CACNA1A: variants seen among roughly 807,000 people sequenced by gnomAD.
CACNA1A encodes the protein voltage-dependent P/Q-type calcium channel subunit alpha-1A.
CACNA1A carries 57 observed loss-of-function variants against 262.4 expected under a neutral mutation model. That is an observed-to-expected ratio of 0.22 (90% CI 0.18 to 0.27). CACNA1A has a LOEUF of 0.27. Ranked by LOEUF, CACNA1A falls within the 10% of genes least tolerant of loss-of-function variation. The pLI is 1.00. For synonymous variants in CACNA1A, 1,431 were observed against 1,419.3 expected (o/e 1.01, Z -0.18); for missense variants, 2,526 against 3,562.8 (o/e 0.71, Z 7.41).
chr19:13,376,836 A>G (rs868008453), intron 3 of CACNA1A, among the ~76,000 whole-genome samples: 2 of 144,572 alleles, frequency 1.4e-5, no homozygotes, highest in African/African-American at 2.5e-5. Flanking sequence ...AACACATGTT[A>G]TATGTGATAT....
intron 3 of CACNA1A, among the ~76,000 whole-genome samples, chr19:13,403,044 A>G (rs1256811826): frequency 1.3e-5 from 2 of 151,392 alleles, no homozygotes; most frequent in Non-Finnish European, 2.9e-5. Flanking sequence ...TCAATGCTGT[A>G]TCTTGCACCC....
intron 1 of CACNA1A, among the ~76,000 whole-genome samples, chr19:13,481,960 T>C (rs774148710): frequency 2.6e-5 from 4 of 152,036 alleles, no homozygotes; most frequent in African/African-American, 9.7e-5. Flanking sequence ...ACTATCTCAG[T>C]TCTACCTCAT....
intron 3 of CACNA1A, among the ~76,000 whole-genome samples, chr19:13,396,343 A>T (rs1223225442): frequency 1.3e-5 from 2 of 152,192 alleles, no homozygotes; most frequent in Non-Finnish European, 2.9e-5. Context: ...TTGCCTAGAG[A>T]GTCTCCTCCC....
At chr19:13,467,244 C>G (rs1237293708) in intron 1 of CACNA1A, among the ~76,000 whole-genome samples, 5 of 152,064 alleles carry the variant, frequency 3.3e-5, no homozygotes, top group Non-Finnish European at 5.9e-5. Context: ...AAATGACACA[C>G]TACACATTTT....
intron 19 of CACNA1A, among the ~76,000 whole-genome samples, chr19:13,291,036 C>A (rs79033425): frequency 1.6e-4 from 25 of 152,052 alleles, no homozygotes; most frequent in African/African-American, 6.0e-4. Flanking sequence ...TATCAATTTC[C>A]GGGAGGTTTC....
intron 10 of CACNA1A, among the ~76,000 whole-genome samples, chr19:13,322,467 CT>C (rs1437370475): frequency 6.6e-6 from 1 of 152,164 alleles, no homozygotes; most frequent in African/African-American, 2.4e-5. Flanking sequence ...TTTTAAGCCA[CT>C]GGGTTTGTGA....
rs370348070 is a variant in CACNA1A at position 13,255,263 on chromosome 19, C to T, written c.4591-4G>A. On this transcript the variant is annotated splice_region_variant and splice_polypyrimidine_tract_variant and intron_variant, in intron 28 of 46. Coordinates refer to ENST00000360228, the MANE Select transcript of CACNA1A (RefSeq NM_001127222.2). ...TGGCGAAATCAATGCAGGCCCTCTG[C>T]GGGAGAGAGGCCAGTGGTGAGAGCG... is the stretch of plus-strand genomic sequence containing the variant. The T allele has an allele frequency of 6.4e-5, 101 of 1,586,898 alleles. No individual in the cohort carries two copies. Among genetic ancestry groups the T allele is most frequent in the Non-Finnish European group, 7.6e-5 (88 of 1,160,784 alleles).
intron 11 of CACNA1A, among the ~76,000 whole-genome samples, chr19:13,314,368 T>C (rs1339945041): frequency 6.6e-6 from 1 of 152,190 alleles, no homozygotes; most frequent in Non-Finnish European, 1.5e-5. Flanking sequence ...ACGTTGAAAC[T>C]TAATTGCCAA....
chr19:13,309,814 A>C (rs537249216), intron 12 of CACNA1A, among the ~76,000 whole-genome samples: 5 of 152,342 alleles, frequency 3.3e-5, no homozygotes, highest in Non-Finnish European at 5.9e-5. Context: ...ACCTTAAAAA[A>C]AACTGAGGTG....
At chr19:13,379,934 A>G (rs1335281944) in intron 3 of CACNA1A, among the ~76,000 whole-genome samples, 1 of 135,138 alleles carries the variant, frequency 7.4e-6, no homozygotes, top group East Asian at 2.3e-4. Context: ...AAAAAAAAAA[A>G]AAAAAAAAAA....
chr19:13,499,450 T>TGGGGGG (rs199603194), intron 1 of CACNA1A, among the ~76,000 whole-genome samples: 1 of 85,976 alleles, frequency 1.2e-5, no homozygotes, highest in East Asian at 2.9e-4. Context: ...CAGGGGGTGG[T>TGGGGGG]GGGGGGGGGC....
rs149588561 is a variant in CACNA1A at position 13,411,360 on chromosome 19, G to A, written c.540-39581C>T. On this transcript the variant is annotated intron_variant, in intron 3 of 46. Coordinates refer to ENST00000360228, the MANE Select transcript of CACNA1A (RefSeq NM_001127222.2). Reference sequence around the variant, plus strand: ...ATAATCCCCACGTGTCAAGGGCGGCGCCAGGTGGAGATAACTGAATCATGG... The same window carrying A: ...ATAATCCCCACGTGTCAAGGGCGGCACCAGGTGGAGATAACTGAATCATGG... Among the ~76,000 whole-genome samples the A allele has an allele frequency of 5.2e-4, 79 of 152,252 alleles. No individual in the cohort carries two copies. In the East Asian group the frequency reaches 9.7e-3, roughly 19 times the overall value.
At chr19:13,326,788 CAAAA>C (rs527327502) in intron 10 of CACNA1A, among the ~76,000 whole-genome samples, 10 of 129,440 alleles carry the variant, frequency 7.7e-5, no homozygotes, top group Admixed American at 2.3e-4. Flanking sequence ...GACACTGTCT[CAAAA>C]AAAAAAAAAA....
Position 13,312,745 on chromosome 19 carries a change from G to T in CACNA1A, c.1592C>A (p.Ser531Tyr). Residue 531 changes from serine to tyrosine, a missense_variant, in exon 12 of 47, where the codon TCC becomes TAC. Around this residue, in one of 17 missense-constraint regions of CACNA1A, gnomAD observed 102 missense variants for 278.9 expected, o/e 0.37. Transcript: ENST00000360228. ...AEFIFLGLFM[S>Y]EMFIKMYGLG... ...CCCGTACATTTTTATAAACATTTCG[G>T]ACATAAAGAGTCCTAAGAAAATGAA... 1 of 1,587,458 alleles carries T rather than the reference G, an allele frequency of 6.3e-7. No individual in the cohort carries two copies. Among genetic ancestry groups the T allele is most frequent in the Non-Finnish European group, 8.6e-7 (1 of 1,168,594 alleles).
At chr19:13,412,605 G>A (rs1322623688) in intron 3 of CACNA1A, among the ~76,000 whole-genome samples, 2 of 151,528 alleles carry the variant, frequency 1.3e-5, no homozygotes, top group African/African-American at 4.9e-5. Context: ...AGCCTCCCGA[G>A]TAGCTGAGAC....
chr19:13,455,428 T>A (rs914438976), intron 1 of CACNA1A, among the ~76,000 whole-genome samples: 1 of 152,130 alleles, frequency 6.6e-6, no homozygotes, highest in Non-Finnish European at 1.5e-5. Context: ...ATATTCACCT[T>A]CTATCTCACC....
intron 3 of CACNA1A, among the ~76,000 whole-genome samples, chr19:13,407,183 T>G (rs1411420627): frequency 6.6e-6 from 1 of 152,212 alleles, no homozygotes; most frequent in Admixed American, 6.5e-5. Flanking sequence ...ATGGTCATTT[T>G]CTGTTTGGTT....
chr19:13,413,231 C>T (rs1315377934), intron 3 of CACNA1A, among the ~76,000 whole-genome samples: 9 of 151,770 alleles, frequency 5.9e-5, no homozygotes, highest in African/African-American at 1.5e-4. Flanking sequence ...CTCAGCCTCC[C>T]GAGTAGCTGG....
chr19:13,427,848 C>T (rs139962841), intron 3 of CACNA1A, among the ~76,000 whole-genome samples: 60 of 152,302 alleles, frequency 3.9e-4, no homozygotes, highest in Middle Eastern at 6.8e-3. Context: ...GTCTGAATCC[C>T]AGCTCTACCA....
Sources: gnomAD v4.1 joint callset for allele counts (sites outside exome capture counted in the v4.1 genomes callset) on GRCh38, gnomAD v4.1.1 for gene constraint, gnomAD v4.1.1 regional missense constraint, MANE v1.5 for transcripts, NCBI Gene and HGNC (gene_info 2026-07-23, HGNC 2026-07-21) for gene names.